The following AFP variants were observed in gnomAD, a reference collection of about 807,000 sequenced individuals.
AFP encodes alpha fetoprotein.
AFP carries 64 observed loss-of-function variants against 78.9 expected under a neutral mutation model. The observed-to-expected ratio is 0.81, with a 90% CI of 0.66 to 1.00. AFP has a LOEUF of 1.00. Among genes scored for constraint, AFP ranks in the 50% least tolerant of loss-of-function variants. AFP has a pLI of 0.00. For synonymous variants in AFP, 254 were observed against 243.8 expected, an observed-to-expected ratio of 1.04 and a Z score of -0.39; for missense variants, 689 against 703.8, an observed-to-expected ratio of 0.98 and a Z score of 0.24.
At chr4:73,453,482 C>T (rs1044160083) in intron 12 of AFP, 1 of 379,002 alleles carries the variant, frequency 2.6e-6, no homozygotes, top group Non-Finnish European at 5.0e-6. Context: ...AAAGGATATT[C>T]CTGGGGGATG....
chr4:73,446,919 T>C (rs1210129257), intron 7 of AFP, among the ~76,000 whole-genome samples: 2 of 152,080 alleles, frequency 1.3e-5, no homozygotes, highest in Non-Finnish European at 2.9e-5. Flanking sequence ...AAGGCAAAAG[T>C]GGGGAGAAAG....
At chr4:73,438,884 T>C (rs1370618228) in intron 3 of AFP, among the ~76,000 whole-genome samples, 3 of 152,130 alleles carry the variant, frequency 2.0e-5, no homozygotes, top group Non-Finnish European at 2.9e-5. Flanking sequence ...TGAAGATAGA[T>C]GCTAATCTTC....
At chr4:73,451,921 C>T (rs934900348) in intron 11 of AFP, among the ~76,000 whole-genome samples, 7 of 152,180 alleles carry the variant, frequency 4.6e-5, no homozygotes, top group African/African-American at 1.7e-4. Context: ...CACAAAATTG[C>T]TCTTACTTCT....
chr4:73,445,224 G>C lies in AFP; in HGVS notation c.843+102G>C, dbSNP rs1577955149. 3.5e-6 allele frequency: 5 copies of C among 1,434,238 alleles called. No individual in the cohort carries two copies. The East Asian group carries it at 1.2e-4, about 34-fold the overall frequency. 88.8% of individuals were successfully genotyped at this position (1,434,238 alleles called of 1,614,324 possible). A position where few individuals can be genotyped will look rare whatever the true frequency, so the allele number is the denominator to read the frequency against. On this transcript the variant is annotated intron_variant, in intron 7 of 14. Coordinates refer to ENST00000395792, the MANE Select transcript of AFP (RefSeq NM_001134.3). ...GGTTGTTTGACTTGAATTGGTTACA[G>C]AGTATGTAAACTAGGTGACTCCTTA...
chr4:73,437,212 G>T lies in AFP; in HGVS notation c.137+1G>T. On this transcript the variant is annotated splice_donor_variant, in intron 2 of 14. Transcript: ENST00000395792. LOFTEE classifies it high-confidence loss of function. ...CTGCAGAGATAAGTTTAGCTGACCTGTAAGTTTTGCTTATATAAATGTACT... is the reference window on the plus strand; with the variant it reads ...CTGCAGAGATAAGTTTAGCTGACCTTTAAGTTTTGCTTATATAAATGTACT... The T allele has an allele frequency of 6.2e-7, 1 of 1,607,314 alleles. No homozygotes were observed. The highest frequency in any genetic ancestry group is 8.5e-7 in the Non-Finnish European group (1 of 1,174,562).
At chr4:73,442,943 T>G (rs1719713454) in intron 5 of AFP, among the ~76,000 whole-genome samples, 1 of 152,054 alleles carries the variant, frequency 6.6e-6, no homozygotes, top group Non-Finnish European at 1.5e-5. Context: ...CTACCAGCAG[T>G]CCTATAACAA....
In AFP at chr4:73,443,372, G is replaced by C; in HGVS notation, c.641G>C (p.Arg214Thr). Residue 214 changes from arginine to threonine, a missense_variant, in exon 6 of 15, where the codon AGA (arginine) becomes ACA (threonine). Arg to Thr is a moderately conservative substitution (Grantham distance 71). Coordinates refer to ENST00000395792, the MANE Select transcript of AFP (RefSeq NM_001134.3). The part of the protein sequence containing the change: ...TKAATVTKEL[R>T]ESSLLNQHAC... Reference sequence around the variant, plus strand: ...GCAGCAACAGTTACAAAAGAATTAAGAGAAAGCAGCTTGTTAAATCAACAT... The same window carrying C: ...GCAGCAACAGTTACAAAAGAATTAACAGAAAGCAGCTTGTTAAATCAACAT... The C allele has an allele frequency of 6.2e-7, 1 of 1,613,664 alleles. No individual in the cohort carries two copies. Among genetic ancestry groups the C allele is most frequent in the Middle Eastern group, 1.7e-4 (1 of 6,056 alleles).
Position 73,447,542 on chromosome 4 carries a change from G to A in AFP, c.924G>A (p.Leu308=), listed in dbSNP as rs1719867370. ...CAGAATGCTGCAAACTGACCACGCT[G>A]GAACGTGGTCAATGTATAATTCATG... is the stretch of plus-strand genomic sequence containing the variant. ...KITECCKLTT[L]ERGQCIIHAE... is the part of the protein sequence containing the mutation. Residue 308 remains leucine, a synonymous_variant, in exon 8 of 15, where the codon CTG becomes CTA. Coordinates refer to ENST00000395792, the MANE Select transcript of AFP (RefSeq NM_001134.3). The A allele has an allele frequency of 2.5e-6, 4 of 1,611,928 alleles. No homozygotes were observed. The East Asian group carries it at 8.9e-5, about 36-fold the overall frequency.
chr4:73,440,817 A>C lies in AFP; in HGVS notation c.482+4A>C. ...ACAGGGAGACATTCATGAACAAGTA[A>C]GGATCCAGTTTAAAGGTAGATGCAA... On this transcript the variant is annotated splice_donor_region_variant and intron_variant, in intron 4 of 14. Transcript: ENST00000395792. The C allele has an allele frequency of 6.2e-7, 1 of 1,612,262 alleles. No homozygotes were observed. The highest frequency in any genetic ancestry group is 8.5e-7 in the Non-Finnish European group (1 of 1,178,794).
intron 8 of AFP, among the ~76,000 whole-genome samples, chr4:73,448,658 T>C (rs575695571): frequency 6.6e-6 from 1 of 152,130 alleles, no homozygotes; most frequent in Admixed American, 6.5e-5. Flanking sequence ...AGTTTACACA[T>C]CCATGCACAT....
In AFP at chr4:73,449,439, A is replaced by T. The variant is rs1199122942; in HGVS notation, c.1163A>T (p.Glu388Val). ...QELLEKCFQT[E>V]NPLECQDKGE... is the part of the protein sequence containing the mutation. ...TTATTGGAGAAGTGTTTCCAGACTG[A>T]AAACCCTCTTGAATGCCAAGATAAA... is the stretch of plus-strand genomic sequence containing the variant. The change falls in exon 9 of 15, where the codon GAA becomes GTA. Residue 388 changes from glutamate to valine, a missense_variant. By Grantham distance (121) the Glu-to-Val change is moderately radical. Transcript: ENST00000395792. The T allele has an allele frequency of 6.2e-7, 1 of 1,613,648 alleles. No individual in the cohort carries two copies. The highest frequency in any genetic ancestry group is 1.1e-5 in the South Asian group (1 of 91,070).
chr4:73,453,653 T>C (rs1248430026), intron 12 of AFP, 112 bp from the exon 13 acceptor site: 5 of 1,246,652 alleles, frequency 4.0e-6, no homozygotes, highest in Middle Eastern at 2.5e-4. Context: ...AGTCTGGTGA[T>C]AGGTTGATGG....
At chr4:73,441,524 C>T (rs867908468) in intron 4 of AFP, among the ~76,000 whole-genome samples, 2 of 145,934 alleles carry the variant, frequency 1.4e-5, no homozygotes, top group African/African-American at 5.1e-5. Flanking sequence ...GCCGAGATTG[C>T]GCCACTGCAC....
At chr4:73,454,026 A>C in intron 13 of AFP, 129 bp downstream of exon 13, 1 of 1,081,688 alleles carries the variant, frequency 9.2e-7, no homozygotes. Flanking sequence ...ATTGAGAAGC[A>C]GATTGAGGGA....
intron 10 of AFP, 96 bp from the exon 11 acceptor site, chr4:73,450,519 T>G (rs1355827403): frequency 2.6e-6 from 4 of 1,563,482 alleles, no homozygotes; most frequent in Non-Finnish European, 3.5e-6. Context: ...ACCTCATGTC[T>G]TCTGGCATGA....
chr4:73,455,943 GA>G lies in AFP; in HGVS notation c.*328del. 2 of 342,838 alleles carry G rather than the reference GA, an allele frequency of 5.8e-6. No homozygotes were observed. The highest frequency in any genetic ancestry group is 1.0e-5 in the Non-Finnish European group (2 of 191,094). 21.2% of individuals were successfully genotyped at this position (342,838 alleles called of 1,614,324 possible). On this transcript the variant is annotated 3_prime_UTR_variant, in exon 15 of 15. Transcript: ENST00000395792. The stretch of plus-strand genomic sequence containing the variant: ...ACAGCACTAGATCACTTGGTGAACT[GA>G]AAAATGTTCCCAAGTTAAACACTAT...
intron 3 of AFP, 105 bp downstream of exon 3, chr4:73,438,411 G>A: frequency 7.7e-7 from 1 of 1,298,956 alleles, no homozygotes; most frequent in Non-Finnish European, 1.1e-6. Flanking sequence ...TATATTTGAA[G>A]AGCTATTGTA....
At chr4:73,451,484 C>T (rs553215874) in intron 11 of AFP, among the ~76,000 whole-genome samples, 19 of 152,068 alleles carry the variant, frequency 1.2e-4, no homozygotes, top group Admixed American at 1.2e-3. Flanking sequence ...ATTTTTTCCC[C>T]AAAGGTTAAG....
rs1300204159 is a variant in AFP at position 73,440,812 on chromosome 4, A to G, written c.481A>G (p.Lys161Glu). ...YEEDRETFMN[K>E]FIYEIARRHP... Reference sequence around the variant, plus strand: ...AGAAGACAGGGAGACATTCATGAACAAGTAAGGATCCAGTTTAAAGGTAGA... The same window carrying G: ...AGAAGACAGGGAGACATTCATGAACGAGTAAGGATCCAGTTTAAAGGTAGA... Residue 161 changes from lysine (K) to glutamate (E), a missense_variant and splice_region_variant, in exon 4 of 15, where the codon AAA (lysine) becomes GAA (glutamate). By Grantham distance (56) the Lys-to-Glu change is moderately conservative. Transcript: ENST00000395792. The G allele has an allele frequency of 1.2e-6, 2 of 1,613,122 alleles. No homozygotes were observed. Among genetic ancestry groups the G allele is most frequent in the South Asian group, 2.2e-5 (2 of 90,768 alleles).
Sources: allele counts gnomAD v4.1 joint callset (sites outside exome capture counted in the v4.1 genomes callset), GRCh38; gene constraint gnomAD v4.1.1; transcripts MANE v1.5; gene names NCBI Gene and HGNC (gene_info 2026-07-23, HGNC 2026-07-21).